Variants in FSTL1 observed in about 807,000 individuals in gnomAD.
FSTL1 encodes the protein follistatin like 1, also known as follistatin-related protein 1.
FSTL1 carries 24 observed loss-of-function variants against 45.9 expected under a neutral mutation model. The observed-to-expected ratio is 0.52, with a 90% CI of 0.38 to 0.74. The LOEUF is 0.74. Ranked by LOEUF, FSTL1 falls within the 30% of genes least tolerant of loss-of-function variation. FSTL1 has a pLI of 0.00. For missense variants in FSTL1, 340 were observed against 381.8 expected (o/e 0.89, Z 0.91); for synonymous variants, 120 against 137.6 (o/e 0.87, Z 0.89).
In FSTL1 at chr3:120,393,099, CT is replaced by C. The variant is rs1936623644; in HGVS notation, c.*3852del. 6.6e-6 allele frequency: 1 copy of C among 152,160 alleles called. No individual in the cohort carries two copies. 9.4% of individuals were successfully genotyped at this position (152,160 alleles called of 1,614,324 possible). On this transcript the variant is annotated 3_prime_UTR_variant, in exon 11 of 11. Coordinates refer to ENST00000295633, the MANE Select transcript of FSTL1 (RefSeq NM_007085.5). ...TAAAAGTGGTTGTGGACAAGGTACC[CT>C]TCAAACTGGGTTTAAGATTCCCTTC...
chr3:120,415,770 G>A (rs1937176729), intron 3 of FSTL1, 153 bp downstream of exon 3: 1 of 496,022 alleles, frequency 2.0e-6, no homozygotes, highest in South Asian at 4.3e-5. Context: ...TAAAAATCAG[G>A]AATCTGGAAT....
intron 2 of FSTL1, among the ~76,000 whole-genome samples, chr3:120,430,222 T>C (rs1374033454): frequency 2.0e-5 from 3 of 152,096 alleles, no homozygotes; most frequent in Non-Finnish European, 4.4e-5. Flanking sequence ...CTCCTAGAAT[T>C]TTCTCAGAGA....
intron 8 of FSTL1, 85 bp downstream of exon 8, chr3:120,403,157 G>T: frequency 1.2e-6 from 1 of 834,586 alleles, no homozygotes; most frequent in Non-Finnish European, 2.1e-6. Flanking sequence ...AGCTAGCTCT[G>T]GAGAGTTCCA....
intron 2 of FSTL1, among the ~76,000 whole-genome samples, chr3:120,429,386 T>C (rs1477653508): frequency 2.0e-5 from 3 of 152,262 alleles, no homozygotes; most frequent in Non-Finnish European, 2.9e-5. Flanking sequence ...ATATATTTTA[T>C]CATCCAAATG....
chr3:120,407,797 A>G (rs977955528), intron 6 of FSTL1, among the ~76,000 whole-genome samples: 1 of 152,224 alleles, frequency 6.6e-6, no homozygotes, highest in Non-Finnish European at 1.5e-5. Flanking sequence ...TGTGTCTGTC[A>G]GTCATGATCA....
intron 2 of FSTL1, among the ~76,000 whole-genome samples, chr3:120,436,441 T>C (rs1342674808): frequency 6.6e-6 from 1 of 152,234 alleles, no homozygotes; most frequent in Non-Finnish European, 1.5e-5. Flanking sequence ...AGTGTGTTCC[T>C]ACTGGGAACT....
At chr3:120,450,648 G>A in intron 2 of FSTL1, 36 bp downstream of exon 2, 8 of 1,475,986 alleles carry the variant, frequency 5.4e-6, no homozygotes, top group Non-Finnish European at 7.3e-6. Context: ...AAGAGGCCCC[G>A]GGGACCGAGT....
chr3:120,444,347 C>T (rs1937691592), intron 2 of FSTL1, among the ~76,000 whole-genome samples: 1 of 149,710 alleles, frequency 6.7e-6, no homozygotes, highest in Middle Eastern at 3.2e-3. Context: ...TTGCTAGTGG[C>T]TACCTAGAAT....
intron 2 of FSTL1, among the ~76,000 whole-genome samples, chr3:120,436,733 G>A (rs1248805656): frequency 6.6e-6 from 1 of 152,192 alleles, no homozygotes; most frequent in African/African-American, 2.4e-5. Flanking sequence ...GGACTCTAGG[G>A]AGAAGCCAGG....
At chr3:120,446,709 A>G (rs1937750091) in intron 2 of FSTL1, among the ~76,000 whole-genome samples, 2 of 152,348 alleles carry the variant, frequency 1.3e-5, no homozygotes, top group South Asian at 4.1e-4. Flanking sequence ...ACAATTCTAA[A>G]GAACATAGAG....
At chr3:120,419,639 G>A (rs1937245049) in intron 2 of FSTL1, 1 of 152,462 alleles carries the variant, frequency 6.6e-6, no homozygotes, top group African/African-American at 2.4e-5. Context: ...GCTCTCCACA[G>A]CGACTATGAG....
chr3:120,416,187 T>C (rs939731486), intron 2 of FSTL1, among the ~76,000 whole-genome samples, 160 bp from the exon 3 acceptor site: 1 of 152,156 alleles, frequency 6.6e-6, no homozygotes, highest in South Asian at 2.1e-4. Context: ...GTTGGAGACG[T>C]TGCCTCCAAC....
chr3:120,410,850 A>G, intron 5 of FSTL1, 102 bp downstream of exon 5: 1 of 932,958 alleles, frequency 1.1e-6, no homozygotes, highest in South Asian at 1.3e-5. Flanking sequence ...TCTGATGCAT[A>G]GAAGATCTTA....
chr3:120,429,666 C>G (rs986862481), intron 2 of FSTL1, among the ~76,000 whole-genome samples: 2 of 152,142 alleles, frequency 1.3e-5, no homozygotes, highest in African/African-American at 4.8e-5. Flanking sequence ...AAGACAAACC[C>G]TAATTTACTG....
chr3:120,438,705 T>C (rs1336953439), intron 2 of FSTL1, among the ~76,000 whole-genome samples: 1 of 152,144 alleles, frequency 6.6e-6, no homozygotes, highest in Non-Finnish European at 1.5e-5. Context: ...CTAACCCCCA[T>C]ATTTGGCAGA....
At chr3:120,397,711 T>G (rs952125748) in intron 10 of FSTL1, among the ~76,000 whole-genome samples, 2 of 152,166 alleles carry the variant, frequency 1.3e-5, no homozygotes, top group African/African-American at 4.8e-5. Context: ...TCTCCAAAGG[T>G]TAAACATGGA....
At chr3:120,405,017 C>G (rs1368489468) in intron 6 of FSTL1, 46 bp from the exon 7 acceptor site, 1 of 958,746 alleles carries the variant, frequency 1.0e-6, no homozygotes, top group South Asian at 1.3e-5. Flanking sequence ...TTGCAGAACC[C>G]CTGTTCCATC....
intron 2 of FSTL1, among the ~76,000 whole-genome samples, chr3:120,443,877 G>C (rs1186831601): frequency 6.7e-6 from 1 of 149,902 alleles, no homozygotes; most frequent in Non-Finnish European, 1.5e-5. Flanking sequence ...GAAGATTTAT[G>C]GGAATTATTT....
At chr3:120,418,355 A>G (rs925644996) in intron 2 of FSTL1, among the ~76,000 whole-genome samples, 2 of 152,148 alleles carry the variant, frequency 1.3e-5, no homozygotes, top group Non-Finnish European at 2.9e-5. Context: ...TAGGATTCCA[A>G]CTCGTATCTT....
Sources: gnomAD v4.1 joint callset for allele counts (sites outside exome capture counted in the v4.1 genomes callset) on GRCh38, gnomAD v4.1.1 for gene constraint, MANE v1.5 for transcripts, NCBI Gene and HGNC (gene_info 2026-07-23, HGNC 2026-07-21) for gene names.